Variants in TMEM132D observed in about 807,000 individuals in gnomAD.
TMEM132D encodes the protein transmembrane protein 132D, also known as mature OL transmembrane protein.
TMEM132D carries 21 observed loss-of-function variants against 62.3 expected under a neutral mutation model. The observed-to-expected ratio is 0.34, with a 90% CI of 0.24 to 0.49. TMEM132D has a LOEUF of 0.49. Ranked by LOEUF, TMEM132D falls within the 20% of genes least tolerant of loss-of-function variation. TMEM132D has a pLI of 0.99. For missense variants in TMEM132D, 1,346 were observed against 1,402.8 expected, an observed-to-expected ratio of 0.96 and a Z score of 0.65; for synonymous variants, 621 against 575.6, an observed-to-expected ratio of 1.08 and a Z score of -1.13.
chr12:129,635,835 G>A (rs1879462836), intron 2 of TMEM132D, among the ~76,000 whole-genome samples: 1 of 152,180 alleles, frequency 6.6e-6, no homozygotes, highest in African/African-American at 2.4e-5. Flanking sequence ...GGTGGTTGAG[G>A]TGCAGCATGA....
Position 129,316,940 on chromosome 12 carries a change from T to C in TMEM132D, c.1299+20694A>G, listed in dbSNP as rs947951830. Among the ~76,000 whole-genome samples, 3 of 152,168 alleles carry C rather than the reference T, an allele frequency of 2.0e-5. No individual in the cohort carries two copies. The South Asian group carries it at 6.2e-4, about 32-fold the overall frequency. On this transcript the variant is annotated intron_variant, in intron 4 of 8. Coordinates refer to ENST00000422113, the MANE Select transcript of TMEM132D (RefSeq NM_133448.3). ...TTTTAACTGCTGCTGCTTTAAAGTT[T>C]GTTTTGTCTGTTATAAGAGTAGCTA...
intron 3 of TMEM132D, among the ~76,000 whole-genome samples, chr12:129,473,082 C>T (rs1364096366): frequency 2.0e-5 from 3 of 152,060 alleles, no homozygotes; most frequent in African/African-American, 7.2e-5. Context: ...TCAGGCTGGT[C>T]TCGAACTCCT....
intron 3 of TMEM132D, among the ~76,000 whole-genome samples, chr12:129,401,158 T>G (rs1315700940): frequency 6.6e-6 from 1 of 152,186 alleles, no homozygotes; most frequent in Non-Finnish European, 1.5e-5. Context: ...ACCACTACAA[T>G]CTACTGGGGA....
intron 2 of TMEM132D, among the ~76,000 whole-genome samples, chr12:129,556,060 C>T (rs1877047645): frequency 6.6e-6 from 1 of 152,162 alleles, no homozygotes; most frequent in African/African-American, 2.4e-5. Context: ...CATGAATGTA[C>T]ATGAACTAGA....
At chr12:129,532,507 C>G (rs1368811988) in intron 2 of TMEM132D, among the ~76,000 whole-genome samples, 1 of 152,200 alleles carries the variant, frequency 6.6e-6, no homozygotes, top group East Asian at 1.9e-4. Flanking sequence ...ACCAACAACG[C>G]TATTTCCCAT....
At chr12:129,786,625 T>G (rs375597865) in intron 1 of TMEM132D, among the ~76,000 whole-genome samples, 24 of 152,266 alleles carry the variant, frequency 1.6e-4, no homozygotes, top group African/African-American at 5.5e-4. Flanking sequence ...GCATGATAGC[T>G]CACGCCTGTA....
In TMEM132D at chr12:129,567,051, T is replaced by C. The variant is rs185854707; in HGVS notation, c.969-35846A>G. Among the ~76,000 whole-genome samples, 252 of 152,366 alleles carry C rather than the reference T, an allele frequency of 1.7e-3. 3 individuals carry two copies. Among genetic ancestry groups the C allele is most frequent in the Middle Eastern group, 3.4e-3 (1 of 294 alleles). ...GTATAAAACCAGCTTGTAGCTGGAC[T>C]ACCTTGTTGACCAGTTCTCAAGACG... is the stretch of plus-strand genomic sequence containing the variant. On this transcript the variant is annotated intron_variant, in intron 2 of 8. Coordinates refer to ENST00000422113, the MANE Select transcript of TMEM132D (RefSeq NM_133448.3).
At chr12:129,417,705 A>C (rs1216688816) in intron 3 of TMEM132D, among the ~76,000 whole-genome samples, 1 of 152,240 alleles carries the variant, frequency 6.6e-6, no homozygotes, top group Non-Finnish European at 1.5e-5. Context: ...GACAAATGGG[A>C]TCCAATCAAA....
chr12:129,097,794 C>A (rs994324204), intron 5 of TMEM132D, among the ~76,000 whole-genome samples: 1 of 152,216 alleles, frequency 6.6e-6, no homozygotes, highest in Non-Finnish European at 1.5e-5. Flanking sequence ...TTATTAATCA[C>A]GTTTAACTCA....
intron 4 of TMEM132D, among the ~76,000 whole-genome samples, chr12:129,309,934 G>A (rs1156999186): frequency 3.3e-5 from 5 of 152,156 alleles, no homozygotes; most frequent in Non-Finnish European, 7.3e-5. Context: ...ACCCGACTGA[G>A]CTGGAAGGGC....
chr12:129,579,518 C>G (rs1212663011), intron 2 of TMEM132D, among the ~76,000 whole-genome samples: 2 of 152,188 alleles, frequency 1.3e-5, no homozygotes, highest in African/African-American at 2.4e-5. Context: ...ATCCTCTAGT[C>G]TGTGGCTAAA....
intron 3 of TMEM132D, among the ~76,000 whole-genome samples, chr12:129,364,204 T>C (rs1593352082): frequency 6.6e-6 from 1 of 152,204 alleles, no homozygotes; most frequent in Non-Finnish European, 1.5e-5. Flanking sequence ...TGGTATTAGT[T>C]GTGTTATACA....
intron 5 of TMEM132D, among the ~76,000 whole-genome samples, chr12:129,159,459 T>C (rs1877335477): frequency 6.6e-6 from 1 of 151,874 alleles, no homozygotes; most frequent in Non-Finnish European, 1.5e-5. Context: ...ATATGCATAA[T>C]AGAAAAGAGA....
chr12:129,582,764 A>G (rs1258712347), intron 2 of TMEM132D, among the ~76,000 whole-genome samples: 3 of 151,600 alleles, frequency 2.0e-5, no homozygotes, highest in Non-Finnish European at 2.9e-5. Context: ...GACTACAGGC[A>G]CCCATCACCA....
chr12:129,127,118 G>A (rs554724336), intron 5 of TMEM132D, among the ~76,000 whole-genome samples: 15 of 152,292 alleles, frequency 9.8e-5, no homozygotes, highest in South Asian at 2.1e-4. Flanking sequence ...ATTCATCAAC[G>A]GATTGAACAC....
intron 4 of TMEM132D, among the ~76,000 whole-genome samples, chr12:129,234,472 A>C (rs1175084011): frequency 6.6e-6 from 1 of 152,236 alleles, no homozygotes. Flanking sequence ...TGTGTTCAAG[A>C]AAATAAATCT....
chr12:129,694,176 G>C (rs943511235), intron 2 of TMEM132D, among the ~76,000 whole-genome samples: 1 of 152,190 alleles, frequency 6.6e-6, no homozygotes, highest in Admixed American at 6.5e-5. Context: ...GCAGCCGTCA[G>C]CCCTGGAAGT....
intron 2 of TMEM132D, among the ~76,000 whole-genome samples, chr12:129,548,402 T>G (rs1876798827): frequency 6.6e-6 from 1 of 152,216 alleles, no homozygotes; most frequent in Non-Finnish European, 1.5e-5. Context: ...TAATAAAATC[T>G]ATTAATGTAA....
intron 3 of TMEM132D, among the ~76,000 whole-genome samples, chr12:129,358,285 TC>T (rs1462276014): frequency 6.6e-6 from 1 of 152,146 alleles, no homozygotes; most frequent in Non-Finnish European, 1.5e-5. Context: ...GTTCAGTCAT[TC>T]CAATGACATT....
Sources: allele counts gnomAD v4.1 joint callset (sites outside exome capture counted in the v4.1 genomes callset), GRCh38; gene constraint gnomAD v4.1.1; transcripts MANE v1.5; gene names NCBI Gene and HGNC (gene_info 2026-07-23, HGNC 2026-07-21).